ELP3: variants seen among roughly 807,000 people sequenced by gnomAD.
The protein encoded by ELP3 is elongator acetyltransferase complex subunit 3, also known as elongator complex protein 3.
Under a neutral mutation model 74.9 loss-of-function variants are expected in ELP3, and 56 were observed. That is an observed-to-expected ratio of 0.75 (90% confidence interval 0.60 to 0.93). ELP3 has a LOEUF of 0.93. Ranked by LOEUF, ELP3 falls within the 40% of genes least tolerant of loss-of-function variation. The pLI is 0.00. For missense variants in ELP3, 573 were observed against 686.5 expected (o/e 0.83, Z 1.85); for synonymous variants, 222 against 239.8 (o/e 0.93, Z 0.68).
At chr8:28,171,705 A>G (rs1814536149) in intron 14 of ELP3, among the ~76,000 whole-genome samples, 1 of 152,062 alleles carries the variant, frequency 6.6e-6, no homozygotes, top group Non-Finnish European at 1.5e-5. Flanking sequence ...TGTCTTTGGT[A>G]TTATATTTAA....
intron 1 of ELP3, among the ~76,000 whole-genome samples, chr8:28,095,914 A>G (rs1460929427): frequency 6.6e-6 from 1 of 152,198 alleles, no homozygotes; most frequent in Non-Finnish European, 1.5e-5. Flanking sequence ...ACGGACCAGT[A>G]CCGGTTCATG....
At chr8:28,169,450 A>T (rs1814433438) in intron 14 of ELP3, among the ~76,000 whole-genome samples, 2 of 152,146 alleles carry the variant, frequency 1.3e-5, no homozygotes, top group South Asian at 4.2e-4. Flanking sequence ...GTTGGCTGGG[A>T]TGGTGTGTCT....
At chr8:28,092,191 G>A (rs1420694706), upstream of ELP3, among the ~76,000 whole-genome samples, 2 of 152,074 alleles carry the variant, frequency 1.3e-5, no homozygotes, top group Non-Finnish European at 2.9e-5. Context: ...ACAGAAGGAA[G>A]GCAGTTTTTG....
chr8:28,123,827 C>CTTCACA (rs1271413766), intron 7 of ELP3, among the ~76,000 whole-genome samples: 1 of 102,868 alleles, frequency 9.7e-6, no homozygotes, highest in East Asian at 6.5e-4. Flanking sequence ...TTAATTTAGC[C>CTTCACA]GTCATGTGCT....
intron 8 of ELP3, 107 bp downstream of exon 8, chr8:28,129,770 T>G: frequency 8.0e-7 from 1 of 1,254,384 alleles, no homozygotes; most frequent in Non-Finnish European, 1.1e-6. Flanking sequence ...GGGAAAGAAG[T>G]ATGGGTATTC....
At chr8:28,148,958 G>C (rs1393559685) in intron 10 of ELP3, among the ~76,000 whole-genome samples, 1 of 152,146 alleles carries the variant, frequency 6.6e-6, no homozygotes, top group African/African-American at 2.4e-5. Flanking sequence ...TAATAAGGCA[G>C]AGCCCTCATG....
At chr8:28,103,834 A>C (rs1034989520) in intron 3 of ELP3, among the ~76,000 whole-genome samples, 1 of 152,210 alleles carries the variant, frequency 6.6e-6, no homozygotes, top group Non-Finnish European at 1.5e-5. Flanking sequence ...GGTTCAAGCT[A>C]TCCTCCCACC....
At chr8:28,119,786 G>C (rs949082108) in intron 7 of ELP3, among the ~76,000 whole-genome samples, 2 of 151,512 alleles carry the variant, frequency 1.3e-5, no homozygotes, top group African/African-American at 4.9e-5. Flanking sequence ...AGAGGCAGCC[G>C]TTCTTCTGAT....
chr8:28,127,265 C>T (rs1442038894), intron 7 of ELP3, among the ~76,000 whole-genome samples: 1 of 152,156 alleles, frequency 6.6e-6, no homozygotes. Context: ...TAAATTTTCT[C>T]TTTCCTCTAC....
chr8:28,145,221 C>T (rs1312545132), intron 10 of ELP3, among the ~76,000 whole-genome samples: 1 of 152,192 alleles, frequency 6.6e-6, no homozygotes, highest in Non-Finnish European at 1.5e-5. Context: ...AAGAGAGACT[C>T]ATGGGGATTT....
rs1812441896 is a variant in ELP3, at chr8:28,123,211, GTATTT to G, written c.618-6288_618-6284del. On this transcript the variant is annotated intron_variant, in intron 7 of 14. Coordinates refer to ENST00000256398, the MANE Select transcript of ELP3 (RefSeq NM_018091.6). ...TGAATCCCACACATTTTGATATGGTGTATTTTAATTATTATTCAATTCAAAATATT... is the reference window on the plus strand; with the variant it reads ...TGAATCCCACACATTTTGATATGGTGTAATTATTATTCAATTCAAAATATT... Among the ~76,000 whole-genome samples the G allele has an allele frequency of 3.3e-5, 5 of 152,226 alleles. No homozygotes were observed. In the South Asian group the frequency reaches 1.0e-3, roughly 32 times the overall value.
chr8:28,141,055 G>A (rs980632931), intron 10 of ELP3, among the ~76,000 whole-genome samples: 2 of 152,126 alleles, frequency 1.3e-5, no homozygotes, highest in Non-Finnish European at 2.9e-5. Context: ...GGTGACACTC[G>A]GTGTAGAATG....
chr8:28,130,591 T>C (rs951116101), intron 8 of ELP3, among the ~76,000 whole-genome samples: 7 of 152,174 alleles, frequency 4.6e-5, no homozygotes, highest in Non-Finnish European at 8.8e-5. Flanking sequence ...AATAGGATGC[T>C]CTTATGTGGG....
rs997547707 is a variant in ELP3 at position 28,189,813 on chromosome 8, G to C, written c.*88G>C. 1 of 1,422,200 alleles carries C rather than the reference G, an allele frequency of 7.0e-7. No individual in the cohort carries two copies. Among genetic ancestry groups the C allele is most frequent in the East Asian group, 2.3e-5 (1 of 43,666 alleles). The allele number at this position is 1,422,200 out of a possible 1,614,324, so 88.1% of individuals were successfully genotyped here. On this transcript the variant is annotated 3_prime_UTR_variant, in exon 15 of 15. Coordinates refer to ENST00000256398, the MANE Select transcript of ELP3 (RefSeq NM_018091.6). ...CTTAAATACTCAACAGAGAGGCTGAGCAGAGCAAATGGGGGGCTTCACCCT... is the reference window on the plus strand; with the variant it reads ...CTTAAATACTCAACAGAGAGGCTGACCAGAGCAAATGGGGGGCTTCACCCT...
At position 28,189,700 on chromosome 8, in the gene ELP3, C is replaced by T. The variant is rs201988357; in HGVS notation, c.1619C>T (p.Pro540Leu). The change falls in exon 15 of 15, where the codon CCG (proline) becomes CTG (leucine). Residue 540 changes from proline to leucine, a missense_variant. Pro to Leu is a moderately conservative substitution (Grantham distance 98, BLOSUM62 -3). Transcript: ENST00000256398. ...AAGATCGGCTACAGATTACAAGGCC[C>T]GTACATGGTGAAGATGCTGAAATAA... is the stretch of plus-strand genomic sequence containing the variant. ...YRKIGYRLQG[P>L]YMVKMLK 27 of 1,613,980 alleles carry T rather than the reference C, an allele frequency of 1.7e-5. No homozygotes were observed. Among genetic ancestry groups the T allele is most frequent in the Admixed American group, 8.3e-5 (5 of 59,984 alleles).
intron 1 of ELP3, among the ~76,000 whole-genome samples, chr8:28,094,575 C>G (rs904440757): frequency 2.6e-5 from 4 of 151,970 alleles, no homozygotes; most frequent in East Asian, 1.9e-4. Flanking sequence ...AAAAATTAGC[C>G]GGGCGTGGTG....
rs1180616739 is a variant in ELP3, at chr8:28,158,600, C to A, written c.1224C>A (p.Ile408=). 1.3e-6 allele frequency: 2 copies of A among 1,581,168 alleles called. No homozygotes were observed. ...ATGTGAGAACCAGAGAAGTTGGAATCCAAGAAATTCATCACAAAGTACGGC... is the reference window on the plus strand; with the variant it reads ...ATGTGAGAACCAGAGAAGTTGGAATACAAGAAATTCATCACAAAGTACGGC... ...CRDVRTREVG[I]QEIHHKVRPY... The change falls in exon 12 of 15, where the codon ATC becomes ATA. Residue 408 remains isoleucine, a synonymous_variant. Transcript: ENST00000256398.
chr8:28,149,521 T>C (rs1421754966), intron 10 of ELP3, among the ~76,000 whole-genome samples: 1 of 152,224 alleles, frequency 6.6e-6, no homozygotes, highest in Non-Finnish European at 1.5e-5. Flanking sequence ...TCCGTAGTGA[T>C]GTCTCCTCTT....
At chr8:28,174,463 A>G (rs1352924701) in intron 14 of ELP3, among the ~76,000 whole-genome samples, 1 of 152,120 alleles carries the variant, frequency 6.6e-6, no homozygotes. Flanking sequence ...GGGGATCATA[A>G]TTAACATTTT....
Sources: gnomAD v4.1 joint callset for allele counts (sites outside exome capture counted in the v4.1 genomes callset) on GRCh38, gnomAD v4.1.1 for gene constraint, MANE v1.5 for transcripts, NCBI Gene and HGNC (gene_info 2026-07-23, HGNC 2026-07-21) for gene names.